Variants in CTNNA2 observed in about 807,000 individuals in gnomAD.
CTNNA2 encodes catenin alpha-2.
Under a neutral mutation model 101.0 loss-of-function variants are expected in CTNNA2, and 42 were observed. That is an observed-to-expected ratio of 0.42 (90% CI 0.32 to 0.54). CTNNA2 has a LOEUF of 0.54. Ranked by LOEUF, CTNNA2 falls within the 20% of genes least tolerant of loss-of-function variation. The pLI, the probability that CTNNA2 is intolerant of heterozygous loss-of-function variation, is 0.14. For missense variants in CTNNA2, 871 were observed against 1,223.1 expected (o/e 0.71, Z 4.29); for synonymous variants, 450 against 456.4 (o/e 0.99, Z 0.18).
At position 80,591,457 on chromosome 2, in the gene CTNNA2, GTTTT is replaced by G. The variant is rs567131551; in HGVS notation, c.2189+1990_2189+1993del. Among the ~76,000 whole-genome samples the G allele has an allele frequency of 8.8e-4, 62 of 70,306 alleles. 3 individuals carry two copies. The highest frequency in any genetic ancestry group is 3.6e-3 in the Admixed American group (20 of 5,624). 46.1% of individuals were successfully genotyped at this position (70,306 alleles called of 152,430 possible). On this transcript the variant is annotated intron_variant, in intron 15 of 18. Transcript: ENST00000402739. Reference sequence around the variant, plus strand: ...ATTGCTGCCTCCATCTGCACAGCCTGTTTTTTTTTTTTTTTTTTTTTGCAAACAG... The same window carrying G: ...ATTGCTGCCTCCATCTGCACAGCCTGTTTTTTTTTTTTTTTTTGCAAACAG...
chr2:80,092,854 G>A (rs1699871323), intron 7 of CTNNA2, among the ~76,000 whole-genome samples: 1 of 151,928 alleles, frequency 6.6e-6, no homozygotes, highest in South Asian at 2.1e-4. Context: ...TGAAAAACAA[G>A]CATTAAGGGT....
chr2:79,537,302 A>G lies in CTNNA2; in HGVS notation c.-6+24095A>G, dbSNP rs1673134081. Among the ~76,000 whole-genome samples the G allele has an allele frequency of 2.0e-5, 3 of 151,980 alleles. No individual in the cohort carries two copies. The South Asian group carries it at 6.2e-4, about 32-fold the overall frequency. On this transcript the variant is annotated intron_variant, in intron 1 of 18. Transcript: ENST00000402739. ...CCTGTAAGCAAATGTTTCCCCCTAG[A>G]TTTCTGCTACTCTGGGATTTTAACA... is the stretch of plus-strand genomic sequence containing the variant.
intron 2 of CTNNA2, among the ~76,000 whole-genome samples, chr2:79,671,856 A>T (rs1240792773): frequency 6.6e-6 from 1 of 152,214 alleles, no homozygotes; most frequent in African/African-American, 2.4e-5. Context: ...TACCTGTGTC[A>T]TAGGTGATTC....
At chr2:79,404,856 A>G (rs1259407857) in intron 4 of CTNNA2, among the ~76,000 whole-genome samples, 1 of 151,914 alleles carries the variant, frequency 6.6e-6, no homozygotes, top group Non-Finnish European at 1.5e-5. Context: ...AGTATCCCCT[A>G]CCCTTGAATG....
intron 2 of CTNNA2, among the ~76,000 whole-genome samples, chr2:79,198,383 T>C (rs1234399202): frequency 6.6e-6 from 1 of 152,168 alleles, no homozygotes; most frequent in Non-Finnish European, 1.5e-5. Context: ...CAAAACAACA[T>C]GAAGTTGTAT....
chr2:79,519,262 A>C (rs1024522132), intron 1 of CTNNA2, among the ~76,000 whole-genome samples: 38 of 151,818 alleles, frequency 2.5e-4, no homozygotes, highest in Non-Finnish European at 4.9e-4. Context: ...CTTGGGGAAA[A>C]ATAAATCTGT....
intron 7 of CTNNA2, among the ~76,000 whole-genome samples, chr2:79,993,555 CA>C (rs1197727139): frequency 6.6e-6 from 1 of 152,092 alleles, no homozygotes; most frequent in Non-Finnish European, 1.5e-5. Context: ...GATTAAGTGA[CA>C]AAATGACAAA....
At chr2:80,513,920 A>G (rs929460491) in intron 9 of CTNNA2, among the ~76,000 whole-genome samples, 2 of 152,192 alleles carry the variant, frequency 1.3e-5, no homozygotes, top group African/African-American at 4.8e-5. Flanking sequence ...TAATTTCTTT[A>G]TAACTTTTCT....
chr2:79,467,903 G>A (rs1206805489), intron 4 of CTNNA2, among the ~76,000 whole-genome samples: 1 of 152,104 alleles, frequency 6.6e-6, no homozygotes, highest in African/African-American at 2.4e-5. Flanking sequence ...AGGAACAACT[G>A]GTACCAGCCA....
At chr2:79,618,610 C>A (rs1325407714) in intron 1 of CTNNA2, among the ~76,000 whole-genome samples, 1 of 152,072 alleles carries the variant, frequency 6.6e-6, no homozygotes, top group Non-Finnish European at 1.5e-5. Context: ...CCCCAACTCC[C>A]ATTCTTGTTT....
intron 7 of CTNNA2, among the ~76,000 whole-genome samples, chr2:79,940,995 A>G (rs1199919629): frequency 2.0e-5 from 3 of 152,170 alleles, no homozygotes; most frequent in Non-Finnish European, 2.9e-5. Flanking sequence ...CAAAAGAGTG[A>G]TCTTTATAGC....
intron 7 of CTNNA2, among the ~76,000 whole-genome samples, chr2:80,081,007 A>T (rs1212814042): frequency 6.6e-6 from 1 of 150,794 alleles, no homozygotes; most frequent in African/African-American, 2.4e-5. Context: ...CATGGGACAT[A>T]CTTTATACGT....
intron 3 of CTNNA2, among the ~76,000 whole-genome samples, chr2:79,338,245 C>CAAAAAAAGAAA (rs1677041337): frequency 9.2e-6 from 1 of 109,242 alleles, no homozygotes; most frequent in Non-Finnish European, 1.8e-5. Context: ...GACTCCATCT[C>CAAAAAAAGAAA]AAAAAAAAAA....
intron 12 of CTNNA2, 132 bp from the exon 13 acceptor site, chr2:80,574,031 A>G: frequency 4.6e-6 from 4 of 867,592 alleles, no homozygotes; most frequent in Admixed American, 2.4e-5. Context: ...GCTCACTTCA[A>G]ACTGGACAGA....
intron 11 of CTNNA2, among the ~76,000 whole-genome samples, chr2:80,546,677 T>A (rs1692096124): frequency 6.6e-6 from 1 of 152,226 alleles, no homozygotes; most frequent in South Asian, 2.1e-4. Context: ...GACTGGAGGA[T>A]GCTAGTAGAC....
chr2:79,201,166 G>C (rs71337753), intron 2 of CTNNA2, among the ~76,000 whole-genome samples: 2 of 151,676 alleles, frequency 1.3e-5, no homozygotes, highest in Non-Finnish European at 2.9e-5. Flanking sequence ...TTCAGATTTC[G>C]TCAAGTCAGA....
intron 7 of CTNNA2, among the ~76,000 whole-genome samples, chr2:80,224,588 G>A (rs1481051418): frequency 6.6e-6 from 1 of 152,012 alleles, no homozygotes; most frequent in Non-Finnish European, 1.5e-5. Context: ...GGGATTACAT[G>A]TGCCTGCCAC....
chr2:80,103,922 T>A (rs1473127499), intron 7 of CTNNA2, among the ~76,000 whole-genome samples: 3 of 152,204 alleles, frequency 2.0e-5, no homozygotes, highest in Non-Finnish European at 4.4e-5. Flanking sequence ...TTAGTAGAGA[T>A]TGGGTTTCGC....
At chr2:80,241,587 ATATCTATCTATCTATC>A (rs3067148) in intron 7 of CTNNA2, among the ~76,000 whole-genome samples, 1 of 148,298 alleles carries the variant, frequency 6.7e-6, no homozygotes, top group African/African-American at 2.5e-5. Context: ...TGCATCTATT[ATATCTATCTATCTATC>A]TATCTATCTA....
Sources: gnomAD v4.1 joint callset for allele counts (sites outside exome capture counted in the v4.1 genomes callset) on GRCh38, gnomAD v4.1.1 for gene constraint, MANE v1.5 for transcripts, NCBI Gene and HGNC (gene_info 2026-07-23, HGNC 2026-07-21) for gene names.